SKOR1: variants seen among roughly 807,000 people sequenced by gnomAD.
SKOR1 encodes the protein LBX1 corepressor 1.
In SKOR1, 38 loss-of-function variants were observed where a neutral mutation model predicts 72.4. That is an observed-to-expected ratio of 0.52 (90% confidence interval 0.40 to 0.69). SKOR1 has a LOEUF of 0.69. Among genes scored for constraint, SKOR1 ranks in the 30% least tolerant of loss-of-function variants. The probability of loss-of-function intolerance (pLI) is 0.00; values close to 1 mark genes in which losing one functional copy is unlikely to be tolerated. For missense variants in SKOR1, 1,320 were observed against 1,343.2 expected (o/e 0.98, Z 0.27); for synonymous variants, 642 against 599.4 (o/e 1.07, Z -1.04).
In SKOR1 at chr15:67,827,971, G is replaced by T. The variant is rs954702213; in HGVS notation, c.2143G>T (p.Gly715Cys). ...ADGPANSPDG[G>C]SPRPRRRLGP... ...CGGTCCCGCAAACTCTCCCGACGGC[G>T]GCAGCCCCCGCCCCCGGCGCCGCCT... is the stretch of plus-strand genomic sequence containing the variant. The change falls in exon 2 of 9, where the codon GGC (glycine) becomes TGC (cysteine). Residue 715 changes from glycine (G) to cysteine (C), a missense_variant. Around this residue, in one of 3 missense-constraint regions of SKOR1, gnomAD observed 1,099 missense variants for 1,025.5 expected, o/e 1.07. Transcript: ENST00000380035. 18 of 1,542,282 alleles carry T rather than the reference G, an allele frequency of 1.2e-5. No individual in the cohort carries two copies. Among genetic ancestry groups the T allele is most frequent in the Non-Finnish European group, 1.4e-5 (16 of 1,146,414 alleles).
Position 67,825,774 on chromosome 15 carries a change from C to T in SKOR1, c.107+65C>T, listed in dbSNP as rs1392743815. 8 of 1,339,380 alleles carry T rather than the reference C, an allele frequency of 6.0e-6. No individual in the cohort carries two copies. The highest frequency in any genetic ancestry group is 1.4e-5 in the African/African-American group (1 of 69,030). The allele number at this position is 1,339,380 out of a possible 1,614,324, so 83.0% of individuals were successfully genotyped here. A position where few individuals can be genotyped will look rare whatever the true frequency, so the allele number is the denominator to read the frequency against. ...TGTTGTTAACGGCGCCAACATGGGT[C>T]TGAGTAACAAAAGACGCCTGTCCAG... On this transcript the variant is annotated intron_variant, in intron 1 of 8. Transcript: ENST00000380035. The surrounding 1 kb of genome is among the most constrained non-coding windows in gnomAD (Gnocchi z 5.6).
At position 67,825,689 on chromosome 15, in the gene SKOR1, T is replaced by C. The variant is rs753444679; in HGVS notation, c.87T>C (p.Leu29=). Residue 29 remains leucine (L), a synonymous_variant, in exon 1 of 9, where the codon CTT becomes CTC. Transcript: ENST00000380035. The surrounding 1 kb of genome is among the most constrained non-coding windows in gnomAD (Gnocchi z 5.6). ...AATCCGAAAACGGGATTGGGTTCCT[T>C]GCAGCCCGGGCATTCCTGAGGTCTC... ...PSQSENGIGF[L]AARAFLRSGG... 1 of 741,322 alleles carries C rather than the reference T, an allele frequency of 1.3e-6. No homozygotes were observed. The highest frequency in any genetic ancestry group is 2.5e-6 in the Non-Finnish European group (1 of 406,004). 45.9% of individuals were successfully genotyped at this position (741,322 alleles called of 1,614,324 possible). A position where few individuals can be genotyped will look rare whatever the true frequency, so the allele number is the denominator to read the frequency against.
chr15:67,832,754 C>A lies in SKOR1; in HGVS notation c.2737+73C>A. 8.1e-7 allele frequency: 1 copy of A among 1,227,722 alleles called. No homozygotes were observed. The highest frequency in any genetic ancestry group is 1.2e-6 in the Non-Finnish European group (1 of 833,058). 76.1% of individuals were successfully genotyped at this position (1,227,722 alleles called of 1,614,324 possible). ...CGTCTGGCAGGAGCCGCAATGTTGG[C>A]TCAGTCATTTGGATTTAAATTGAAG... On this transcript the variant is annotated intron_variant, in intron 7 of 8. Coordinates refer to ENST00000380035, the MANE Select transcript of SKOR1 (RefSeq NM_001365915.1). The surrounding 1 kb of genome is among the most constrained non-coding windows in gnomAD (Gnocchi z 4.5).
chr15:67,830,670 G>C (rs1436870929), intron 4 of SKOR1, 148 bp from the exon 5 acceptor site: 4 of 765,520 alleles, frequency 5.2e-6, no homozygotes, highest in Non-Finnish European at 4.6e-6. Flanking sequence ...CTAGAAGGTG[G>C]ATAGTACTGG....
rs761512395 is a variant in SKOR1 at position 67,827,378 on chromosome 15, T to TGGCGGCGGCAGC, written c.1566_1577dup (p.Ala525_Ala528dup). 32 of 1,561,160 alleles carry TGGCGGCGGCAGC rather than the reference T, an allele frequency of 2.0e-5. No homozygotes were observed. Among genetic ancestry groups the TGGCGGCGGCAGC allele is most frequent in the African/African-American group, 5.6e-5 (4 of 71,174 alleles). On this transcript the variant is annotated inframe_insertion, in exon 2 of 9. Transcript: ENST00000380035. ...CAAGCCAAGGCCGTGGCGGCAGCCG[T>TGGCGGCGGCAGC]GGCGGCGGCAGCGGCGGCGGCAGCG...
chr15:67,827,728 G>C lies in SKOR1; in HGVS notation c.1900G>C (p.Val634Leu), dbSNP rs769139099. The C allele has an allele frequency of 2.1e-5, 32 of 1,545,180 alleles. No individual in the cohort carries two copies. In the East Asian group the frequency reaches 4.9e-4, roughly 24 times the overall value. The stretch of plus-strand genomic sequence containing the variant: ...ACCCGGCGCTGGGAGCGGCGGCTAC[G>C]TGAGCCCGGACTTTCTGAGCGAGGG... ...PGPGAGSGGY[V>L]SPDFLSEGSS... Residue 634 changes from valine (V) to leucine (L), a missense_variant, in exon 2 of 9, where the codon GTG (valine) becomes CTG (leucine). This residue lies in a region of SKOR1 where 1,099 missense variants were observed against 1,025.5 expected (regional missense o/e 1.07). Transcript: ENST00000380035.
intron 5 of SKOR1, among the ~76,000 whole-genome samples, chr15:67,831,903 C>CCGGGGGGGGGGGGG (rs1476265010): frequency 2.1e-4 from 6 of 28,754 alleles, no homozygotes; most frequent in African/African-American, 1.1e-3. Context: ...GGCGGCGGTG[C>CCGGGGGGGGGGGGG]GGGGGGGGGA....
chr15:67,828,184 C>G, intron 2 of SKOR1, 40 bp downstream of exon 2: 1 of 1,395,936 alleles, frequency 7.2e-7, no homozygotes, highest in Non-Finnish European at 9.2e-7. Context: ...GCCTTCCCAC[C>G]TACCCTGTGC....
chr15:67,826,487 A>G lies in SKOR1; in HGVS notation c.659A>G (p.Asn220Ser). The change falls in exon 2 of 9, where the codon AAC becomes AGC. Residue 220 changes from asparagine (N) to serine (S), a missense_variant. This residue lies in a region of SKOR1 where 101 missense variants were observed against 212.8 expected (regional missense o/e 0.47). Coordinates refer to ENST00000380035, the MANE Select transcript of SKOR1 (RefSeq NM_001365915.1). ...CGYCSMYFSP[N>S]KFIFHSHRTP... ...TACTGCAGCATGTACTTCTCGCCCAACAAGTTCATCTTCCACTCGCACCGA... is the reference window on the plus strand; with the variant it reads ...TACTGCAGCATGTACTTCTCGCCCAGCAAGTTCATCTTCCACTCGCACCGA... 1.2e-6 allele frequency: 2 copies of G among 1,614,050 alleles called. No homozygotes were observed. The highest frequency in any genetic ancestry group is 1.7e-6 in the Non-Finnish European group (2 of 1,179,920).
rs752869653 is a variant in SKOR1, at chr15:67,825,734, C to G, written c.107+25C>G. 1.3e-5 allele frequency: 12 copies of G among 913,552 alleles called. No individual in the cohort carries two copies. The highest frequency in any genetic ancestry group is 2.6e-5 in the East Asian group (1 of 38,002). 56.6% of individuals were successfully genotyped at this position (913,552 alleles called of 1,614,324 possible). On this transcript the variant is annotated intron_variant, in intron 1 of 8. Transcript: ENST00000380035. The surrounding 1 kb of genome is among the most constrained non-coding windows in gnomAD (Gnocchi z 5.6). ...GGTCTCCTTTACCCCTTCTCCTCCC[C>G]CAAGCCCCGGGGGCTGTTGTTAACG... is the stretch of plus-strand genomic sequence containing the variant.
At position 67,830,171 on chromosome 15, in the gene SKOR1, T is replaced by C. The variant is rs28587941; in HGVS notation, c.2408-20T>C. 424,779 of 1,611,926 alleles carry C rather than the reference T, an allele frequency of 0.26. 65,290 individuals are homozygous for C. Among genetic ancestry groups the C allele is most frequent in the East Asian group, 0.62 (27,617 of 44,846 alleles). ...CACGGTTTCTTTGCCTCTCTTGAAA[T>C]TCGGTTTGTTGCCTTCAAGAGCCAG... On this transcript the variant is annotated intron_variant, in intron 3 of 8. Transcript: ENST00000380035.
rs1388371996 is a variant in SKOR1 at position 67,825,705 on chromosome 15, C to T, written c.103C>T (p.Leu35=). ...GIGFLAARAF[L]RSGGMEALTT... ...TGGGTTCCTTGCAGCCCGGGCATTC[C>T]TGAGGTCTCCTTTACCCCTTCTCCT... The change falls in exon 1 of 9, where the codon CTG becomes TTG. Residue 35 remains leucine (L), a synonymous_variant. Transcript: ENST00000380035. The surrounding 1 kb of genome is among the most constrained non-coding windows in gnomAD (Gnocchi z 5.6). The T allele has an allele frequency of 1.7e-5, 13 of 767,252 alleles. No homozygotes were observed. Among genetic ancestry groups the T allele is most frequent in the Non-Finnish European group, 3.0e-5 (13 of 429,790 alleles). 47.5% of individuals were successfully genotyped at this position (767,252 alleles called of 1,614,324 possible).
At chr15:67,830,558 C>T (rs1409367899) in intron 4 of SKOR1, among the ~76,000 whole-genome samples, 1 of 152,144 alleles carries the variant, frequency 6.6e-6, no homozygotes, top group Non-Finnish European at 1.5e-5. Flanking sequence ...GACGTCCTCA[C>T]CCACATAAAA....
At position 67,825,732 on chromosome 15, in the gene SKOR1, C is replaced by T. The variant is rs557329386; in HGVS notation, c.107+23C>T. On this transcript the variant is annotated intron_variant, in intron 1 of 8. Coordinates refer to ENST00000380035, the MANE Select transcript of SKOR1 (RefSeq NM_001365915.1). This position sits in a 1 kb window ranked among gnomAD's most constrained non-coding sequence, Gnocchi z 5.6. Reference sequence around the variant, plus strand: ...GAGGTCTCCTTTACCCCTTCTCCTCCCCCAAGCCCCGGGGGCTGTTGTTAA... The same window carrying T: ...GAGGTCTCCTTTACCCCTTCTCCTCTCCCAAGCCCCGGGGGCTGTTGTTAA... The T allele has an allele frequency of 3.4e-6, 3 of 889,770 alleles. No individual in the cohort carries two copies. The Admixed American group carries it at 6.0e-5, about 18-fold the overall frequency. The allele number at this position is 889,770 out of a possible 1,614,324, so 55.1% of individuals were successfully genotyped here. A position where few individuals can be genotyped will look rare whatever the true frequency, so the allele number is the denominator to read the frequency against.
rs1325070650 is a variant in SKOR1, at chr15:67,826,998, A to G, written c.1170A>G (p.Pro390=). 2 of 1,595,484 alleles carry G rather than the reference A, an allele frequency of 1.3e-6. No homozygotes were observed. The highest frequency in any genetic ancestry group is 4.5e-5 in the East Asian group (2 of 44,556). Residue 390 remains proline, a synonymous_variant, in exon 2 of 9, where the codon CCA becomes CCG. Transcript: ENST00000380035. Reference sequence around the variant, plus strand: ...TTGGGCTCCTGCAAAAGCTGCCCCCACCACTTTTCCCCCATCCTTACGGCT... The same window carrying G: ...TTGGGCTCCTGCAAAAGCTGCCCCCGCCACTTTTCCCCCATCCTTACGGCT... ...KGFGLLQKLP[P]PLFPHPYGFP...
Position 67,825,927 on chromosome 15 carries a change from A to G in SKOR1, c.108-9A>G, listed in dbSNP as rs201160827. 3.6e-5 allele frequency: 54 copies of G among 1,512,332 alleles called. No homozygotes were observed. The highest frequency in any genetic ancestry group is 4.5e-5 in the Admixed American group (2 of 44,438). The allele number at this position is 1,512,332 out of a possible 1,614,324, so 93.7% of individuals were successfully genotyped here. A position where few individuals can be genotyped will look rare whatever the true frequency, so the allele number is the denominator to read the frequency against. The stretch of plus-strand genomic sequence containing the variant: ...GGCTCATCTGCTCTCTGCTTTCTCT[A>G]TTTCGCAGGAGCGGCGGCATGGAGG... On this transcript the variant is annotated splice_polypyrimidine_tract_variant and intron_variant, in intron 1 of 8. Transcript: ENST00000380035. The surrounding 1 kb of genome is among the most constrained non-coding windows in gnomAD (Gnocchi z 5.6).
chr15:67,833,752 C>T lies in SKOR1; in HGVS notation c.2814C>T (p.Asp938=), dbSNP rs990468159. The change falls in exon 9 of 9, where the codon GAC becomes GAT. Residue 938 remains aspartate, a synonymous_variant. Transcript: ENST00000380035. This position sits in a 1 kb window ranked among gnomAD's most constrained non-coding sequence, Gnocchi z 6.0. ...AIQQKLKEAH[D]ALHHFSCKML... Reference sequence around the variant, plus strand: ...CGACTGTCTCCCCAGAAGCCCACGACGCCCTGCACCATTTCTCCTGCAAGA... The same window carrying T: ...CGACTGTCTCCCCAGAAGCCCACGATGCCCTGCACCATTTCTCCTGCAAGA... 6 of 1,613,590 alleles carry T rather than the reference C, an allele frequency of 3.7e-6. No individual in the cohort carries two copies. Among genetic ancestry groups the T allele is most frequent in the African/African-American group, 1.3e-5 (1 of 74,936 alleles).
intron 2 of SKOR1, among the ~76,000 whole-genome samples, chr15:67,828,345 A>G (rs1391989527): frequency 6.6e-6 from 1 of 152,198 alleles, no homozygotes; most frequent in African/African-American, 2.4e-5. Flanking sequence ...TTCGAAGGGA[A>G]GGGAAGCTGG....
In SKOR1 at chr15:67,828,164, C is replaced by G. The variant is rs1195440146; in HGVS notation, c.2316+20C>G. On this transcript the variant is annotated intron_variant, in intron 2 of 8. Transcript: ENST00000380035. ...GCCAAGGTGAGCCCCGCGCCCGCCC[C>G]GCCAGTGGCGCCTTCCCACCTACCC... 3 of 1,419,942 alleles carry G rather than the reference C, an allele frequency of 2.1e-6. No individual in the cohort carries two copies. The highest frequency in any genetic ancestry group is 2.7e-6 in the Non-Finnish European group (3 of 1,099,906). The allele number at this position is 1,419,942 out of a possible 1,614,324, so 88.0% of individuals were successfully genotyped here.
Sources: allele counts gnomAD v4.1 joint callset (sites outside exome capture counted in the v4.1 genomes callset), GRCh38; gene constraint gnomAD v4.1.1; regional missense constraint gnomAD v4.1.1; non-coding constraint Gnocchi (gnomAD v3.1); transcripts MANE v1.5; gene names NCBI Gene and HGNC (gene_info 2026-07-23, HGNC 2026-07-21).